Variants in ADRA1A observed in about 807,000 individuals in gnomAD.
The protein encoded by ADRA1A is alpha-1A adrenergic receptor.
In ADRA1A, 31 loss-of-function variants were observed where a neutral mutation model predicts 29.6. The observed-to-expected ratio is 1.05, with a 90% confidence interval of 0.79 to 1.41. The LOEUF (loss-of-function observed/expected upper bound fraction) is 1.41, where lower values mean the gene tolerates loss of function less well. Ranked by LOEUF, ADRA1A falls within the 40% of genes most tolerant of loss-of-function variation. The pLI, the probability that ADRA1A is intolerant of heterozygous loss-of-function variation, is 0.00. For synonymous variants in ADRA1A, 311 were observed against 254.3 expected (o/e 1.22, Z -2.12); for missense variants, 619 against 601.1 (o/e 1.03, Z -0.31).
intron 2 of ADRA1A, among the ~76,000 whole-genome samples, chr8:26,786,596 A>C (rs1407857807): frequency 2.0e-5 from 3 of 151,624 alleles, no homozygotes; most frequent in Non-Finnish European, 4.4e-5. Context: ...CAGGCCCTTC[A>C]CTTCTGCTCT....
At position 26,855,217 on chromosome 8, in the gene ADRA1A, A is replaced by ATGTGTGTGTGTG. The variant is rs56268237; in HGVS notation, c.883+8858_883+8869dup. 5.3e-5 allele frequency among the ~76,000 whole-genome samples: 7 copies of ATGTGTGTGTGTG among 133,242 alleles called. No homozygotes were observed. In the South Asian group the frequency reaches 8.5e-4, roughly 16 times the overall value. The allele number at this position is 133,242 out of a possible 152,430, so 87.4% of individuals were successfully genotyped here. ...TTTAACTAAAAGTGTGTGTGCATGC[A>ATGTGTGTGTGTG]TGTGTGTGTGTGTGTGCATGTGAGT... On this transcript the variant is annotated intron_variant, in intron 2 of 2. Coordinates refer to ENST00000380573, the MANE Select transcript of ADRA1A (RefSeq NM_000680.4).
At chr8:26,788,825 T>A (rs1422484997) in intron 2 of ADRA1A, among the ~76,000 whole-genome samples, 2 of 152,208 alleles carry the variant, frequency 1.3e-5, no homozygotes, top group African/African-American at 4.8e-5. Flanking sequence ...TACTGCTGTA[T>A]AGTGCTGTGT....
Position 26,864,588 on chromosome 8 carries a change from C to G in ADRA1A, c.382G>C (p.Val128Leu). Reference protein sequence around the residue: ...CIISIDRYIGVSYPLRYPTIV... With the variant: ...CIISIDRYIGLSYPLRYPTIV... ...GTTGGGTAGCGCAGCGGGTAGCTCA[C>G]GCCGATGTAGCGGTCGATGGAGATG... The change falls in exon 2 of 3, where the codon GTG becomes CTG. Residue 128 changes from valine to leucine, a missense_variant. Val to Leu is a conservative substitution (Grantham distance 32). Transcript: ENST00000380573. The surrounding 1 kb of genome is among the most constrained non-coding windows in gnomAD (Gnocchi z 8.1). 6.2e-7 allele frequency: 1 copy of G among 1,614,110 alleles called. No individual in the cohort carries two copies. Among genetic ancestry groups the G allele is most frequent in the Non-Finnish European group, 8.5e-7 (1 of 1,180,040 alleles).
intron 2 of ADRA1A, among the ~76,000 whole-genome samples, chr8:26,838,458 CT>C (rs1289498052): frequency 6.6e-6 from 1 of 152,172 alleles, no homozygotes; most frequent in Non-Finnish European, 1.5e-5. Flanking sequence ...CAGGACTTGA[CT>C]TTGAGTCTCT....
chr8:26,795,004 A>T (rs1298648834), intron 2 of ADRA1A, among the ~76,000 whole-genome samples: 4 of 152,134 alleles, frequency 2.6e-5, no homozygotes, highest in South Asian at 4.1e-4. Flanking sequence ...TGTATTTTTT[A>T]AAAAATCTTT....
rs931531035 is a variant in ADRA1A, at chr8:26,796,627, T to C, written c.884-25961A>G. ...ACGTGGCCGCAGAGAACAGACACCA[T>C]GGGGACATATGAGACAGTGGAGTGG... On this transcript the variant is annotated intron_variant, in intron 2 of 2. Transcript: ENST00000380573. The surrounding 1 kb of genome is among the most constrained non-coding windows in gnomAD (Gnocchi z 5.0). 2.6e-5 allele frequency among the ~76,000 whole-genome samples: 4 copies of C among 151,948 alleles called. No individual in the cohort carries two copies. The highest frequency in any genetic ancestry group is 5.9e-5 in the Non-Finnish European group (4 of 67,984).
chr8:26,787,553 C>T lies in ADRA1A; in HGVS notation c.884-16887G>A, dbSNP rs1004653243. The stretch of plus-strand genomic sequence containing the variant: ...TGAAAGTGTAGGAATAAAAGGAGAA[C>T]TGTCATCTGTAGTTCTTGGATATGG... On this transcript the variant is annotated intron_variant, in intron 2 of 2. Transcript: ENST00000380573. The surrounding 1 kb of genome is among the most constrained non-coding windows in gnomAD (Gnocchi z 4.2). 6.6e-6 allele frequency among the ~76,000 whole-genome samples: 1 copy of T among 151,618 alleles called. No homozygotes were observed. Among genetic ancestry groups the T allele is most frequent in the African/African-American group, 2.4e-5 (1 of 41,256 alleles).
At chr8:26,799,501 C>G (rs888970754) in intron 2 of ADRA1A, among the ~76,000 whole-genome samples, 2 of 152,158 alleles carry the variant, frequency 1.3e-5, no homozygotes, top group Non-Finnish European at 2.9e-5. Context: ...GTCAAATATA[C>G]CCAGTGCCAG....
In ADRA1A at chr8:26,857,669, T is replaced by TAAATA. The variant is rs762249962; in HGVS notation, c.883+6413_883+6417dup. Among the ~76,000 whole-genome samples the TAAATA allele has an allele frequency of 2.2e-3, 329 of 152,152 alleles. 1 individual carries two copies. Among genetic ancestry groups the TAAATA allele is most frequent in the Non-Finnish European group, 1.8e-3 (123 of 67,998 alleles). The stretch of plus-strand genomic sequence containing the variant: ...GAATGAGATCCTGTCATTAAATAAA[T>TAAATA]AAATAAAATAAAATAAATCCTAATG... On this transcript the variant is annotated intron_variant, in intron 2 of 2. Transcript: ENST00000380573.
At chr8:26,846,963 G>A (rs574286503) in intron 2 of ADRA1A, among the ~76,000 whole-genome samples, 8 of 152,070 alleles carry the variant, frequency 5.3e-5, no homozygotes, top group East Asian at 3.9e-4. Context: ...GGAAACTATC[G>A]CAAGAACAAA....
chr8:26,805,741 C>T lies in ADRA1A; in HGVS notation c.884-35075G>A, dbSNP rs955707993. Among the ~76,000 whole-genome samples, 1 of 152,168 alleles carries T rather than the reference C, an allele frequency of 6.6e-6. No homozygotes were observed. The highest frequency in any genetic ancestry group is 6.5e-5 in the Admixed American group (1 of 15,268). ...GGCTTTCTTTTTTGTGTTGCTTCTA[C>T]CTGGTACAAGAATCTTGATGAGCCA... is the stretch of plus-strand genomic sequence containing the variant. On this transcript the variant is annotated intron_variant, in intron 2 of 2. Coordinates refer to ENST00000380573, the MANE Select transcript of ADRA1A (RefSeq NM_000680.4). This position sits in a 1 kb window ranked among gnomAD's most constrained non-coding sequence, Gnocchi z 4.8.
chr8:26,854,827 C>T (rs912418224), intron 2 of ADRA1A, among the ~76,000 whole-genome samples: 3 of 152,134 alleles, frequency 2.0e-5, no homozygotes, highest in Admixed American at 6.5e-5. Flanking sequence ...TTGTGCCCCA[C>T]CCCCGAAATT....
At chr8:26,858,155 T>TTCTATG (rs1813184382) in intron 2 of ADRA1A, among the ~76,000 whole-genome samples, 1 of 152,236 alleles carries the variant, frequency 6.6e-6, no homozygotes, top group Non-Finnish European at 1.5e-5. Context: ...TCCTCAAATA[T>TTCTATG]TCTATGTCTA....
Position 26,867,029 on chromosome 8 carries a change from G to C in ADRA1A, c.-780C>G. The C allele has an allele frequency of 1.0e-6, 1 of 985,392 alleles. No individual in the cohort carries two copies. Among genetic ancestry groups the C allele is most frequent in the Non-Finnish European group, 1.2e-6 (1 of 829,982 alleles). 61.0% of individuals were successfully genotyped at this position (985,392 alleles called of 1,614,324 possible). A position where few individuals can be genotyped will look rare whatever the true frequency, so the allele number is the denominator to read the frequency against. On this transcript the variant is annotated 5_prime_UTR_variant, in exon 1 of 3. Coordinates refer to ENST00000380573, the MANE Select transcript of ADRA1A (RefSeq NM_000680.4). ...TGCCTGCCTGCTCTTCTCTGGAGGC[G>C]GAGAGGGGACCGTGTCTCCGAGGCA...
chr8:26,778,437 C>T (rs918784068), intron 2 of ADRA1A, among the ~76,000 whole-genome samples: 1 of 152,160 alleles, frequency 6.6e-6, no homozygotes, highest in African/African-American at 2.4e-5. Context: ...AAAAGCAGAT[C>T]TCCTTTCATA....
chr8:26,865,320 C>T lies in ADRA1A; in HGVS notation c.-351G>A. On this transcript the variant is annotated 5_prime_UTR_variant, in exon 2 of 3. Transcript: ENST00000380573. This position sits in a 1 kb window ranked among gnomAD's most constrained non-coding sequence, Gnocchi z 7.6. ...GGAGACTCCTTGCAACATGCAATTC[C>T]AGAATTACGAGAATCTGCTTTTCCG... 1 of 1,112,286 alleles carries T rather than the reference C, an allele frequency of 9.0e-7. No individual in the cohort carries two copies. Among genetic ancestry groups the T allele is most frequent in the Non-Finnish European group, 1.1e-6 (1 of 910,718 alleles). The allele number at this position is 1,112,286 out of a possible 1,614,324, so 68.9% of individuals were successfully genotyped here.
intron 2 of ADRA1A, among the ~76,000 whole-genome samples, chr8:26,808,634 C>T (rs1563269003): frequency 6.6e-6 from 1 of 152,168 alleles, no homozygotes. Flanking sequence ...ATTTTCTCCT[C>T]CTTTGCTTAG....
In ADRA1A at chr8:26,848,710, C is replaced by T. The variant is rs747243209; in HGVS notation, c.883+15377G>A. On this transcript the variant is annotated intron_variant, in intron 2 of 2. Transcript: ENST00000380573. This position sits in a 1 kb window ranked among gnomAD's most constrained non-coding sequence, Gnocchi z 4.3. ...AGGTGTGTGAATGGTTTCACTTCTT[C>T]TTTCCTAGGAAAAGAGTCATTAAAC... Among the ~76,000 whole-genome samples the T allele has an allele frequency of 2.6e-5, 4 of 152,192 alleles. No homozygotes were observed. Among genetic ancestry groups the T allele is most frequent in the Non-Finnish European group, 4.4e-5 (3 of 68,036 alleles).
At chr8:26,793,265 C>T (rs1329630122) in intron 2 of ADRA1A, among the ~76,000 whole-genome samples, 1 of 151,838 alleles carries the variant, frequency 6.6e-6, no homozygotes, top group East Asian at 1.9e-4. Context: ...AAGTAGATGA[C>T]TAAGATACAG....
Sources: allele counts gnomAD v4.1 joint callset (sites outside exome capture counted in the v4.1 genomes callset), GRCh38; gene constraint gnomAD v4.1.1; non-coding constraint Gnocchi (gnomAD v3.1); transcripts MANE v1.5; gene names NCBI Gene and HGNC (gene_info 2026-07-23, HGNC 2026-07-21).